The following RBFOX1 variants were observed in gnomAD, a reference collection of about 807,000 sequenced individuals.
The protein encoded by RBFOX1 is RNA binding protein fox-1 homolog 1.
RBFOX1 carries 8 observed loss-of-function variants against 57.7 expected under a neutral mutation model. The ratio of observed to expected loss-of-function variants is 0.14; its 90% CI spans 0.08 to 0.25. The LOEUF (loss-of-function observed/expected upper bound fraction) is 0.25, where lower values mean the gene tolerates loss of function less well. Ranked by LOEUF, RBFOX1 falls within the 10% of genes least tolerant of loss-of-function variation. The pLI is 1.00. For missense variants in RBFOX1, 611 were observed against 548.5 expected, an observed-to-expected ratio of 1.11 and a Z score of -1.14; for synonymous variants, 326 against 222.4, an observed-to-expected ratio of 1.47 and a Z score of -4.15.
chr16:7,706,962 C>T (rs74012229), intron 14 of RBFOX1, among the ~76,000 whole-genome samples: 1,540 of 152,224 alleles, frequency 0.01, 31 homozygotes, highest in African/African-American at 0.036. Flanking sequence ...TTTTTCCTCC[C>T]AGAAAGAAGG....
chr16:6,168,686 A>G (rs938584483), intron 1 of RBFOX1, among the ~76,000 whole-genome samples: 4 of 151,690 alleles, frequency 2.6e-5, no homozygotes. Flanking sequence ...CACCTCTGCC[A>G]CTCCTGGGGG....
intron 1 of RBFOX1, among the ~76,000 whole-genome samples, chr16:5,431,882 G>C (rs1373211183): frequency 3.9e-5 from 6 of 152,114 alleles, no homozygotes; most frequent in Non-Finnish European, 8.8e-5. Context: ...CCTTCACGGA[G>C]CGGTACCTTC....
chr16:7,521,348 G>C (rs1162771757), intron 5 of RBFOX1, among the ~76,000 whole-genome samples: 3 of 152,124 alleles, frequency 2.0e-5, no homozygotes, highest in African/African-American at 7.2e-5. Context: ...ATAAGGAGTT[G>C]AAATTCCACG....
At chr16:6,789,042 A>C (rs1009107879) in intron 3 of RBFOX1, among the ~76,000 whole-genome samples, 1 of 152,152 alleles carries the variant, frequency 6.6e-6, no homozygotes. Flanking sequence ...CTCCTGCTGT[A>C]TAGAAACATG....
intron 3 of RBFOX1, among the ~76,000 whole-genome samples, chr16:6,659,765 G>A (rs76236571): frequency 0.037 from 5,594 of 152,166 alleles, 261 homozygotes; most frequent in East Asian, 0.1. Flanking sequence ...CTGCCCTTCC[G>A]GGAAGTAGTT....
intron 3 of RBFOX1, among the ~76,000 whole-genome samples, chr16:6,675,249 C>T (rs1219263308): frequency 5.9e-5 from 9 of 152,138 alleles, no homozygotes; most frequent in Admixed American, 5.9e-4. Context: ...ATTTGTTGCA[C>T]CATCCCTAGG....
At chr16:5,690,565 AAAAC>A (rs35684383) in intron 3 of RBFOX1, among the ~76,000 whole-genome samples, 48,618 of 151,692 alleles carry the variant, frequency 0.32, 10,154 homozygotes, top group Non-Finnish European at 0.46. Flanking sequence ...AGTCTGCTTG[AAAAC>A]AAACAAACAA....
chr16:5,665,131 T>TGGTG (rs759074904), intron 3 of RBFOX1, among the ~76,000 whole-genome samples: 2 of 98,262 alleles, frequency 2.0e-5, no homozygotes, highest in African/African-American at 8.4e-5. Context: ...TATTTTTACA[T>TGGTG]GGGGGGGGGC....
chr16:5,265,595 T>C (rs1450082876), intron 1 of RBFOX1, among the ~76,000 whole-genome samples: 1 of 152,248 alleles, frequency 6.6e-6, no homozygotes, highest in Non-Finnish European at 1.5e-5. Flanking sequence ...TCAATATGTG[T>C]AGCTCAGGAG....
chr16:7,669,786 C>T (rs1184013739), intron 13 of RBFOX1, among the ~76,000 whole-genome samples: 1 of 152,122 alleles, frequency 6.6e-6, no homozygotes, highest in Non-Finnish European at 1.5e-5. Flanking sequence ...AGTAGGAATT[C>T]TTTAAATAAA....
intron 1 of RBFOX1, among the ~76,000 whole-genome samples, chr16:5,343,396 G>A (rs978234146): frequency 1.4e-4 from 20 of 144,318 alleles, no homozygotes; most frequent in African/African-American, 4.6e-4. Flanking sequence ...CTCACTGCAA[G>A]CTCTATCTCC....
intron 4 of RBFOX1, among the ~76,000 whole-genome samples, chr16:7,476,836 A>G (rs2062823382): frequency 6.6e-6 from 1 of 152,202 alleles, no homozygotes; most frequent in African/African-American, 2.4e-5. Context: ...ATTGCATTGA[A>G]TGGGCTAACA....
At chr16:5,948,131 CA>C (rs2152273249) in intron 4 of RBFOX1, among the ~76,000 whole-genome samples, 1 of 152,022 alleles carries the variant, frequency 6.6e-6, no homozygotes, top group Non-Finnish European at 1.5e-5. Context: ...TGAAACAGGA[CA>C]GGGGTGACTC....
rs760323452 is a variant in RBFOX1 at position 6,750,689 on chromosome 16, T to C, written c.-16+96039T>C. ...GGGTGTTCATTGATTCATTCATTCA[T>C]GCATTCATTCATTATTCGTCATTTA... On this transcript the variant is annotated intron_variant, in intron 3 of 15. Transcript: ENST00000550418. 1.4e-4 allele frequency among the ~76,000 whole-genome samples: 22 copies of C among 152,368 alleles called. No homozygotes were observed. In the East Asian group the frequency reaches 2.3e-3, roughly 16 times the overall value.
At chr16:6,440,000 T>G (rs1356716525) in intron 2 of RBFOX1, among the ~76,000 whole-genome samples, 2 of 151,798 alleles carry the variant, frequency 1.3e-5, no homozygotes, top group African/African-American at 4.8e-5. Flanking sequence ...CAGGCTGGAG[T>G]GCCTCAGCTC....
intron 4 of RBFOX1, among the ~76,000 whole-genome samples, chr16:5,908,084 A>G (rs1415578238): frequency 1.4e-5 from 2 of 142,854 alleles, no homozygotes; most frequent in Admixed American, 6.9e-5. Context: ...ATATATATAT[A>G]TACACATATA....
intron 3 of RBFOX1, among the ~76,000 whole-genome samples, chr16:6,904,836 G>C (rs1312070652): frequency 6.6e-6 from 1 of 152,082 alleles, no homozygotes; most frequent in Non-Finnish European, 1.5e-5. Flanking sequence ...TTTTGTTAGA[G>C]AAGAATTGTT....
At chr16:5,398,807 G>C (rs571024054) in intron 1 of RBFOX1, among the ~76,000 whole-genome samples, 22 of 152,270 alleles carry the variant, frequency 1.4e-4, no homozygotes, top group African/African-American at 5.3e-4. Context: ...TGGAAACCCT[G>C]CGCTCATTTC....
At chr16:7,203,975 T>C (rs2089336267) in intron 4 of RBFOX1, among the ~76,000 whole-genome samples, 1 of 152,188 alleles carries the variant, frequency 6.6e-6, no homozygotes, top group South Asian at 2.1e-4. Context: ...TGTGCTGTGT[T>C]CTCAAACATC....
Sources: gnomAD v4.1 joint callset for allele counts (sites outside exome capture counted in the v4.1 genomes callset) on GRCh38, gnomAD v4.1.1 for gene constraint, MANE v1.5 for transcripts, NCBI Gene and HGNC (gene_info 2026-07-23, HGNC 2026-07-21) for gene names.